Variants in FOCAD observed in about 807,000 individuals in gnomAD.
FOCAD encodes KIAA1797.
Under a neutral mutation model 225.6 loss-of-function variants are expected in FOCAD, and 198 were observed. The ratio of observed to expected loss-of-function variants is 0.88; its 90% confidence interval spans 0.78 to 0.99. FOCAD has a LOEUF of 0.99. Ranked by LOEUF, FOCAD falls within the 50% of genes least tolerant of loss-of-function variation. The pLI, the probability that FOCAD is intolerant of heterozygous loss-of-function variation, is 0.00. For missense variants in FOCAD, 2,713 were observed against 2,123.6 expected, an observed-to-expected ratio of 1.28 and a Z score of -5.46; for synonymous variants, 897 against 755.0, an observed-to-expected ratio of 1.19 and a Z score of -3.08.
chr9:20,672,588 C>A (rs947077119), intron 2 of FOCAD, among the ~76,000 whole-genome samples: 3 of 152,172 alleles, frequency 2.0e-5, no homozygotes, highest in Non-Finnish European at 2.9e-5. Context: ...GTAGCTGGGA[C>A]AACAGGTGCC....
chr9:20,926,738 G>A (rs949705338), intron 26 of FOCAD, among the ~76,000 whole-genome samples: 7 of 150,424 alleles, frequency 4.7e-5, no homozygotes, highest in African/African-American at 1.5e-4. Flanking sequence ...AGCCAAGATC[G>A]CGCCATTGCA....
chr9:20,982,399 T>G lies in FOCAD; in HGVS notation c.4681T>G (p.Leu1561Val), dbSNP rs781242978. Residue 1561 changes from leucine to valine, a missense_variant, in exon 39 of 44, where the codon TTA (leucine) becomes GTA (valine). Physicochemically the swap from Leu to Val is conservative, Grantham distance 32. Transcript: ENST00000338382. The part of the protein sequence containing the change: ...ELYISIAKCL[L>V]EMTDDDANRI... ...GTATATCAGCATAGCAAAATGCCTC[T>G]TAGAAATGACAGATGATGATGCCAA... 1 of 1,613,958 alleles carries G rather than the reference T, an allele frequency of 6.2e-7. No homozygotes were observed. Among genetic ancestry groups the G allele is most frequent in the South Asian group, 1.1e-5 (1 of 91,084 alleles).
intron 2 of FOCAD, among the ~76,000 whole-genome samples, chr9:20,668,617 A>G (rs1466449221): frequency 6.6e-6 from 1 of 152,222 alleles, no homozygotes; most frequent in African/African-American, 2.4e-5. Flanking sequence ...ACAGGGCATG[A>G]TGGCCACTGA....
chr9:20,964,293 G>C (rs1367950093), intron 35 of FOCAD, among the ~76,000 whole-genome samples: 1 of 152,074 alleles, frequency 6.6e-6, no homozygotes, highest in Non-Finnish European at 1.5e-5. Context: ...CTTGAGCCTG[G>C]GTGGCGGAGT....
chr9:20,939,110 A>G (rs1195911810), intron 28 of FOCAD, among the ~76,000 whole-genome samples: 1 of 132,724 alleles, frequency 7.5e-6, no homozygotes, highest in Non-Finnish European at 1.6e-5. Flanking sequence ...AGATCGTGCC[A>G]CTGCACTCCA....
At chr9:20,750,032 T>C (rs945563612) in intron 5 of FOCAD, among the ~76,000 whole-genome samples, 5 of 152,168 alleles carry the variant, frequency 3.3e-5, no homozygotes, top group Non-Finnish European at 1.5e-5. Flanking sequence ...GTTGATGATA[T>C]TAATAAAGAG....
intron 2 of FOCAD, among the ~76,000 whole-genome samples, chr9:20,665,428 C>T (rs1302474369): frequency 2.0e-5 from 3 of 152,186 alleles, no homozygotes; most frequent in Non-Finnish European, 4.4e-5. Flanking sequence ...GCTAATTCAT[C>T]TCTTTATCTC....
At chr9:20,947,194 A>C (rs1043471934) in intron 30 of FOCAD, among the ~76,000 whole-genome samples, 1 of 152,206 alleles carries the variant, frequency 6.6e-6, no homozygotes, top group African/African-American at 2.4e-5. Context: ...GATAAAGTCA[A>C]ACTTCAGAAA....
chr9:20,979,965 G>GT (rs1334298653), intron 37 of FOCAD, among the ~76,000 whole-genome samples: 5 of 152,108 alleles, frequency 3.3e-5, no homozygotes, highest in African/African-American at 1.2e-4. Context: ...ACCTTTACAG[G>GT]TTTTTCAATC....
At chr9:20,975,648 A>T (rs1840165129) in intron 35 of FOCAD, among the ~76,000 whole-genome samples, 1 of 152,238 alleles carries the variant, frequency 6.6e-6, no homozygotes, top group Non-Finnish European at 1.5e-5. Flanking sequence ...AAAAGACAAG[A>T]GTGTGCAGAG....
intron 5 of FOCAD, among the ~76,000 whole-genome samples, chr9:20,742,832 T>A (rs995845431): frequency 1.3e-5 from 2 of 152,196 alleles, no homozygotes; most frequent in Non-Finnish European, 2.9e-5. Context: ...AAGCCTAGTT[T>A]GAGAAGCTGA....
chr9:20,782,168 A>G (rs1215912371), intron 10 of FOCAD, among the ~76,000 whole-genome samples: 2 of 152,214 alleles, frequency 1.3e-5, no homozygotes, highest in African/African-American at 4.8e-5. Flanking sequence ...TCCAGTGCAC[A>G]ATACTAGTTA....
At chr9:20,988,917 CT>C (rs1841420219) in intron 41 of FOCAD, among the ~76,000 whole-genome samples, 1 of 152,134 alleles carries the variant, frequency 6.6e-6, no homozygotes, top group African/African-American at 2.4e-5. Flanking sequence ...TGTGCCAATA[CT>C]TATGTGCATG....
chr9:20,681,913 C>G (rs1822410436), upstream of FOCAD, among the ~76,000 whole-genome samples: 1 of 152,172 alleles, frequency 6.6e-6, no homozygotes, highest in South Asian at 2.1e-4. Flanking sequence ...TGCCCAAAAT[C>G]TGAATCTAGG....
At chr9:20,935,614 G>C (rs974646871) in intron 28 of FOCAD, among the ~76,000 whole-genome samples, 1 of 152,274 alleles carries the variant, frequency 6.6e-6, no homozygotes, top group Non-Finnish European at 1.5e-5. Context: ...GGTCAGGCTG[G>C]TCTCAAACTC....
At chr9:20,775,239 T>C (rs1563975539) in intron 8 of FOCAD, among the ~76,000 whole-genome samples, 2 of 152,198 alleles carry the variant, frequency 1.3e-5, no homozygotes, top group South Asian at 4.1e-4. Context: ...ATTAGAATAA[T>C]CATAACTTAA....
At chr9:20,797,626 A>G (rs1264637754) in intron 11 of FOCAD, among the ~76,000 whole-genome samples, 3 of 151,978 alleles carry the variant, frequency 2.0e-5, no homozygotes, top group Non-Finnish European at 2.9e-5. Flanking sequence ...TTTGTTATTG[A>G]TGTATAAGAA....
At chr9:20,723,985 AG>A (rs1826000875) in intron 4 of FOCAD, among the ~76,000 whole-genome samples, 2 of 152,044 alleles carry the variant, frequency 1.3e-5, no homozygotes, top group Non-Finnish European at 2.9e-5. Flanking sequence ...CAAGAGAGAG[AG>A]GGGGAGGTCC....
intron 21 of FOCAD, among the ~76,000 whole-genome samples, chr9:20,901,011 C>G (rs1233458108): frequency 6.6e-6 from 1 of 151,844 alleles, no homozygotes; most frequent in Non-Finnish European, 1.5e-5. Flanking sequence ...CCTCCCTTCT[C>G]TTCTTCTCAC....
Sources: gnomAD v4.1 joint callset for allele counts (sites outside exome capture counted in the v4.1 genomes callset) on GRCh38, gnomAD v4.1.1 for gene constraint, MANE v1.5 for transcripts, NCBI Gene and HGNC (gene_info 2026-07-23, HGNC 2026-07-21) for gene names.